TMEM177: variants seen among roughly 807,000 people sequenced by gnomAD.
TMEM177 encodes transmembrane protein 177.
A neutral mutation model predicts 14.2 loss-of-function variants in TMEM177; 4 were observed. The observed-to-expected ratio is 0.28, with a 90% CI of 0.14 to 0.64. The LOEUF is 0.64. Ranked by LOEUF, TMEM177 falls within the 30% of genes least tolerant of loss-of-function variation. TMEM177 has a pLI of 0.82. For missense variants in TMEM177, 344 were observed against 405.2 expected, an observed-to-expected ratio of 0.85 and a Z score of 1.30; for synonymous variants, 179 against 174.5, an observed-to-expected ratio of 1.03 and a Z score of -0.20.
At chr2:119,717,109 CA>C in the TMEM177 span, among the ~76,000 whole-genome samples, 2 of 152,194 alleles carry the variant, frequency 1.3e-5, no homozygotes, top group Non-Finnish European at 2.9e-5. Flanking sequence ...CCATGGGCCT[CA>C]GGGGTGGGGC....
rs1014623691 is a variant in TMEM177 at position 119,681,569 on chromosome 2, C to G, written c.716C>G (p.Ser239Cys). 6.8e-6 allele frequency: 11 copies of G among 1,614,248 alleles called. No individual in the cohort carries two copies. The highest frequency in any genetic ancestry group is 3.3e-4 in the Middle Eastern group (2 of 6,060). ...CTGGACCGCCGCACGGCCTCCCTCTCTGCAGCCTATGCCTGTGGTGGAGTG... is the reference window on the plus strand; with the variant it reads ...CTGGACCGCCGCACGGCCTCCCTCTGTGCAGCCTATGCCTGTGGTGGAGTG... ...SWLDRRTASL[S>C]AAYACGGVEF... The change falls in exon 2 of 2, where the codon TCT becomes TGT. Residue 239 changes from serine (S) to cysteine (C), a missense_variant. By Grantham distance (112) the Ser-to-Cys change is moderately radical. Transcript: ENST00000272521.
the TMEM177 span, among the ~76,000 whole-genome samples, chr2:119,721,677 T>C: frequency 6.6e-6 from 1 of 152,296 alleles, no homozygotes; most frequent in African/African-American, 2.4e-5. Flanking sequence ...TGTATTTGCA[T>C]CTGGGGAATC....
At chr2:119,721,122 T>G in the TMEM177 span, among the ~76,000 whole-genome samples, 2 of 152,220 alleles carry the variant, frequency 1.3e-5, no homozygotes, top group Non-Finnish European at 2.9e-5. Context: ...CCTGAGTTTA[T>G]GCTGAGATGG....
chr2:119,681,668 A>G lies in TMEM177; in HGVS notation c.815A>G (p.Tyr272Cys). ...TTGGGCAAAGACGGGGAGAAGCTGTATACACCCAGCGGGAACATCGTCCCC... is the reference window on the plus strand; with the variant it reads ...TTGGGCAAAGACGGGGAGAAGCTGTGTACACCCAGCGGGAACATCGTCCCC... ...SLLGKDGEKL[Y>C]TPSGNIVPRH... is the part of the protein sequence containing the mutation. The change falls in exon 2 of 2, where the codon TAT (tyrosine) becomes TGT (cysteine). Residue 272 changes from tyrosine to cysteine, a missense_variant. Physicochemically the swap from Tyr to Cys is radical, Grantham distance 194. Coordinates refer to ENST00000272521, the MANE Select transcript of TMEM177 (RefSeq NM_030577.3). 1 of 1,614,192 alleles carries G rather than the reference A, an allele frequency of 6.2e-7. No homozygotes were observed. Among genetic ancestry groups the G allele is most frequent in the East Asian group, 2.2e-5 (1 of 44,870 alleles).
At chr2:119,722,408 A>G in the TMEM177 span, among the ~76,000 whole-genome samples, 8 of 151,952 alleles carry the variant, frequency 5.3e-5, no homozygotes, top group Non-Finnish European at 1.2e-4. Flanking sequence ...AAAGGAAAAG[A>G]AGAAAAGAAA....
intron 1 of TMEM177, chr2:119,679,685 T>A (rs1364039779): frequency 1.3e-5 from 2 of 152,214 alleles, no homozygotes; most frequent in Non-Finnish European, 2.9e-5. Context: ...AGTGATAGGA[T>A]GCCCGGGGAT....
At chr2:119,685,969 C>T (rs981618157), downstream of TMEM177, 67 of 481,938 alleles carry the variant, frequency 1.4e-4, no homozygotes, top group African/African-American at 1.2e-3. Flanking sequence ...AACCAGCCTA[C>T]CATGTTTAGT....
the TMEM177 span, among the ~76,000 whole-genome samples, chr2:119,705,990 A>ATATATTATATAT: frequency 0.045 from 651 of 14,570 alleles, 2 homozygotes; most frequent in Admixed American, 0.1. Flanking sequence ...CTCTCTATAT[A>ATATATTATATAT]TATATATTAT....
chr2:119,680,757 G>T, intron 1 of TMEM177, 75 bp from the exon 2 acceptor site: 4 of 1,197,670 alleles, frequency 3.3e-6, no homozygotes, highest in Non-Finnish European at 4.7e-6. Context: ...TAAAAAGGTG[G>T]TGTGGACCCT....
At chr2:119,718,602 T>A in the TMEM177 span, among the ~76,000 whole-genome samples, 151 of 152,360 alleles carry the variant, frequency 9.9e-4, 1 homozygote, top group Middle Eastern at 0.017. Context: ...TTACTTCATG[T>A]GGCTGTCCTT....
the TMEM177 span, among the ~76,000 whole-genome samples, chr2:119,715,135 C>T: frequency 6.6e-6 from 1 of 152,192 alleles, no homozygotes; most frequent in African/African-American, 2.4e-5. Context: ...GTAATCCCAA[C>T]ACTTTGGGAG....
chr2:119,684,493 C>T (rs1054600409), downstream of TMEM177, among the ~76,000 whole-genome samples: 4 of 152,078 alleles, frequency 2.6e-5, no homozygotes, highest in Non-Finnish European at 4.4e-5. Context: ...GTGGCAGGAT[C>T]GTGTATCTTG....
chr2:119,709,965 A>T, the TMEM177 span, among the ~76,000 whole-genome samples: 1 of 152,150 alleles, frequency 6.6e-6, no homozygotes, highest in Non-Finnish European at 1.5e-5. Context: ...TGGAGAGCAG[A>T]TTGGTGGCCG....
the TMEM177 span, among the ~76,000 whole-genome samples, chr2:119,710,278 G>C: frequency 2.0e-5 from 3 of 152,204 alleles, no homozygotes; most frequent in Non-Finnish European, 2.9e-5. Flanking sequence ...GAAATTCCCC[G>C]GAGTTTATAG....
At chr2:119,692,086 C>A in the TMEM177 span, among the ~76,000 whole-genome samples, 1 of 152,200 alleles carries the variant, frequency 6.6e-6, no homozygotes, top group East Asian at 1.9e-4. Context: ...CTCTCCTAAG[C>A]CTGGAGACCC....
the TMEM177 span, among the ~76,000 whole-genome samples, chr2:119,706,582 T>C: frequency 6.6e-6 from 1 of 152,232 alleles, no homozygotes; most frequent in African/African-American, 2.4e-5. Context: ...GCTTCCTTTT[T>C]TTTTCTTTTG....
chr2:119,692,445 T>C, the TMEM177 span, among the ~76,000 whole-genome samples: 1 of 152,234 alleles, frequency 6.6e-6, no homozygotes, highest in African/African-American at 2.4e-5. Flanking sequence ...GCCCAGGCCA[T>C]GTCCCCAGGC....
At chr2:119,686,587 T>G (rs1347763863), downstream of TMEM177, 1 of 152,284 alleles carries the variant, frequency 6.6e-6, no homozygotes, top group Non-Finnish European at 1.5e-5. Context: ...AATGTTTTTC[T>G]TTTTCTTTCT....
Position 119,681,241 on chromosome 2 carries a change from G to A in TMEM177, c.388G>A (p.Asp130Asn), listed in dbSNP as rs780547586. The A allele has an allele frequency of 1.2e-6, 2 of 1,614,142 alleles. No homozygotes were observed. Among genetic ancestry groups the A allele is most frequent in the African/African-American group, 2.7e-5 (2 of 74,952 alleles). The change falls in exon 2 of 2, where the codon GAC becomes AAC. Residue 130 changes from aspartate to asparagine, a missense_variant. By Grantham distance (23) the Asp-to-Asn change is conservative. Coordinates refer to ENST00000272521, the MANE Select transcript of TMEM177 (RefSeq NM_030577.3). ...CGTGGTCATACATGGGCATACAGTGGACTGGCGGAGCCCAGCAGGCGCCCG... is the reference window on the plus strand; with the variant it reads ...CGTGGTCATACATGGGCATACAGTGAACTGGCGGAGCCCAGCAGGCGCCCG... ...HPVVIHGHTV[D>N]WRSPAGARLR...
Sources: allele counts gnomAD v4.1 joint callset (sites outside exome capture counted in the v4.1 genomes callset), GRCh38; gene constraint gnomAD v4.1.1; transcripts MANE v1.5; gene names NCBI Gene and HGNC (gene_info 2026-07-23, HGNC 2026-07-21).